Variants in KCNC2 observed in about 807,000 individuals in gnomAD.
KCNC2 encodes potassium voltage-gated channel subfamily C member 2, also known as voltage-gated potassium channel KCNC2.
Under a neutral mutation model 44.5 loss-of-function variants are expected in KCNC2, and 21 were observed. The observed-to-expected ratio is 0.47, with a 90% CI of 0.33 to 0.68. The LOEUF (loss-of-function observed/expected upper bound fraction) is 0.68, where lower values mean the gene tolerates loss of function less well. Among genes scored for constraint, KCNC2 ranks in the 30% least tolerant of loss-of-function variants. The pLI is 0.01. For synonymous variants in KCNC2, 391 were observed against 339.1 expected (o/e 1.15, Z -1.68); for missense variants, 589 against 826.2 (o/e 0.71, Z 3.52).
At chr12:75,201,452 G>A (rs1043670401) in intron 2 of KCNC2, among the ~76,000 whole-genome samples, 3 of 151,624 alleles carry the variant, frequency 2.0e-5, no homozygotes, top group Non-Finnish European at 4.4e-5. Flanking sequence ...ATACTATCTA[G>A]TCCAATGTGT....
chr12:75,137,829 C>G (rs1048020350), intron 2 of KCNC2, among the ~76,000 whole-genome samples: 1 of 152,200 alleles, frequency 6.6e-6, no homozygotes, highest in Non-Finnish European at 1.5e-5. Flanking sequence ...TGGGAAGGAA[C>G]AGCGCATCAG....
intron 2 of KCNC2, among the ~76,000 whole-genome samples, chr12:75,070,823 G>A (rs938897417): frequency 3.3e-5 from 5 of 151,816 alleles, no homozygotes; most frequent in African/African-American, 1.2e-4. Flanking sequence ...CAAATATTTC[G>A]ATAAACTATT....
At chr12:75,188,819 A>G (rs1166295559) in intron 2 of KCNC2, among the ~76,000 whole-genome samples, 1 of 151,858 alleles carries the variant, frequency 6.6e-6, no homozygotes, top group East Asian at 1.9e-4. Context: ...AGATCATGCC[A>G]CTGCACTCAC....
rs1398017871 is a variant in KCNC2 at position 75,201,275 on chromosome 12, AAAAAAAAAAAAAAAAAAAAAAAAC to A, written c.687+5998_687+6021del. Among the ~76,000 whole-genome samples the A allele has an allele frequency of 9.3e-3, 1,029 of 110,268 alleles. 34 individuals carry two copies. The highest frequency in any genetic ancestry group is 0.013 in the Middle Eastern group (3 of 232). 72.3% of individuals were successfully genotyped at this position (110,268 alleles called of 152,430 possible). On this transcript the variant is annotated intron_variant, in intron 2 of 4. Coordinates refer to ENST00000549446, the MANE Select transcript of KCNC2 (RefSeq NM_139137.4). ...CAAACGAAATTGGAAAAAAAAAAAA[AAAAAAAAAAAAAAAAAAAAAAAAC>A]CAGATTCTGGTTTACTTTATTAGTG...
At chr12:75,200,549 G>A (rs1312121010) in intron 2 of KCNC2, among the ~76,000 whole-genome samples, 5 of 151,510 alleles carry the variant, frequency 3.3e-5, no homozygotes, top group African/African-American at 4.8e-5. Flanking sequence ...TTACAAACAT[G>A]TTCCCTGAGT....
At chr12:75,122,968 T>G (rs190721526) in intron 2 of KCNC2, among the ~76,000 whole-genome samples, 100 of 152,264 alleles carry the variant, frequency 6.6e-4, no homozygotes, top group African/African-American at 2.4e-3. Flanking sequence ...TAAATTGAGT[T>G]TTTAGCTAAT....
At chr12:75,090,242 C>T (rs1478254402) in intron 2 of KCNC2, among the ~76,000 whole-genome samples, 2 of 151,688 alleles carry the variant, frequency 1.3e-5, no homozygotes, top group African/African-American at 4.8e-5. Flanking sequence ...CTTCCCTTAT[C>T]GATGTTTACA....
At chr12:75,111,405 T>C (rs1480946038) in intron 2 of KCNC2, among the ~76,000 whole-genome samples, 1 of 152,142 alleles carries the variant, frequency 6.6e-6, no homozygotes, top group Non-Finnish European at 1.5e-5. Context: ...TAAGAGAACA[T>C]TGGTGGTTAC....
At chr12:75,053,761 T>TTA in intron 2 of KCNC2, among the ~76,000 whole-genome samples, 1 of 147,542 alleles carries the variant, frequency 6.8e-6, no homozygotes, top group South Asian at 2.1e-4. Context: ...ATTACATAAT[T>TTA]TATATAATTA....
chr12:75,187,054 A>T (rs1026160071), intron 2 of KCNC2, among the ~76,000 whole-genome samples: 2 of 152,144 alleles, frequency 1.3e-5, no homozygotes, highest in African/African-American at 4.8e-5. Flanking sequence ...TCCTTTTTTT[A>T]AAAAAGATGC....
intron 2 of KCNC2, among the ~76,000 whole-genome samples, chr12:75,072,982 G>A (rs1021014274): frequency 3.9e-5 from 6 of 152,032 alleles, no homozygotes; most frequent in African/African-American, 1.2e-4. Context: ...CCCTTATTAT[G>A]GAAATGTCTA....
intron 2 of KCNC2, among the ~76,000 whole-genome samples, chr12:75,063,377 C>T (rs1325179218): frequency 6.6e-6 from 1 of 151,962 alleles, no homozygotes; most frequent in Admixed American, 6.6e-5. Context: ...GTTAAACTCA[C>T]ATGTTAAACT....
At chr12:75,134,294 G>T (rs1889072293) in intron 2 of KCNC2, among the ~76,000 whole-genome samples, 1 of 151,880 alleles carries the variant, frequency 6.6e-6, no homozygotes, top group South Asian at 2.1e-4. Context: ...TTGTTGAATA[G>T]AATATTTTGA....
At chr12:75,086,679 A>ATAT (rs1555208205) in intron 2 of KCNC2, among the ~76,000 whole-genome samples, 2 of 29,790 alleles carry the variant, frequency 6.7e-5, no homozygotes, top group African/African-American at 2.3e-4. Flanking sequence ...AAAAAAAAAA[A>ATAT]AAATATATAT....
Position 75,042,589 on chromosome 12 carries a change from A to C in KCNC2, c.*516T>G, listed in dbSNP as rs577313764. On this transcript the variant is annotated 3_prime_UTR_variant, in exon 5 of 5. Transcript: ENST00000549446. ...CAGCAGGATGGTTCGATGCAAGTAC[A>C]CATATCCTGAGCTATCCACAGTCCC... 2.2e-6 allele frequency: 3 copies of C among 1,359,408 alleles called. No individual in the cohort carries two copies. Among genetic ancestry groups the C allele is most frequent in the South Asian group, 1.7e-5 (1 of 58,268 alleles). 84.2% of individuals were successfully genotyped at this position (1,359,408 alleles called of 1,614,324 possible).
At position 75,042,930 on chromosome 12, in the gene KCNC2, G is replaced by A; in HGVS notation, c.*175C>T. 1 of 1,403,860 alleles carries A rather than the reference G, an allele frequency of 7.1e-7. No homozygotes were observed. The highest frequency in any genetic ancestry group is 9.2e-7 in the Non-Finnish European group (1 of 1,081,156). 87.0% of individuals were successfully genotyped at this position (1,403,860 alleles called of 1,614,324 possible). A position where few individuals can be genotyped will look rare whatever the true frequency, so the allele number is the denominator to read the frequency against. On this transcript the variant is annotated 3_prime_UTR_variant, in exon 5 of 5. Transcript: ENST00000549446. ...ACTTTAGACAATCTTTAAAGCCTGG[G>A]TAAGATTCATTAGCTACCCAAGTGG...
At chr12:75,138,951 T>TGCCTGG (rs1483835468) in intron 2 of KCNC2, among the ~76,000 whole-genome samples, 3 of 127,108 alleles carry the variant, frequency 2.4e-5, no homozygotes, top group Non-Finnish European at 4.7e-5. Flanking sequence ...ACTGCACTCC[T>TGCCTGG]GCCTGGGCCA....
rs1294986276 is a variant in KCNC2, at chr12:75,076,863, T to A, written c.688-25546A>T. Among the ~76,000 whole-genome samples, 3 of 152,218 alleles carry A rather than the reference T, an allele frequency of 2.0e-5. No homozygotes were observed. The East Asian group carries it at 5.8e-4, about 29-fold the overall frequency. ...AATTATTAATTGGGTGTTAATAAAG[T>A]TTGGGAACATCTTTTCTGGTTGAAA... On this transcript the variant is annotated intron_variant, in intron 2 of 4. Coordinates refer to ENST00000549446, the MANE Select transcript of KCNC2 (RefSeq NM_139137.4).
intron 2 of KCNC2, among the ~76,000 whole-genome samples, chr12:75,109,405 T>A (rs1887045238): frequency 6.6e-6 from 1 of 152,186 alleles, no homozygotes; most frequent in Admixed American, 6.5e-5. Flanking sequence ...TTAGACCGTG[T>A]GGCACCCAAA....
Sources: allele counts gnomAD v4.1 joint callset (sites outside exome capture counted in the v4.1 genomes callset), GRCh38; gene constraint gnomAD v4.1.1; transcripts MANE v1.5; gene names NCBI Gene and HGNC (gene_info 2026-07-23, HGNC 2026-07-21).